Variants in GAL observed in about 807,000 individuals in gnomAD.
GAL encodes galanin peptides.
A neutral mutation model predicts 15.8 loss-of-function variants in GAL; 14 were observed. That is an observed-to-expected ratio of 0.89 (90% CI 0.59 to 1.39). The LOEUF is 1.39. Among genes scored for constraint, GAL ranks in the 40% most tolerant of loss-of-function variants. The probability of loss-of-function intolerance (pLI) is 0.00; values close to 1 mark genes in which losing one functional copy is unlikely to be tolerated. For synonymous variants in GAL, 79 were observed against 73.8 expected (o/e 1.07, Z -0.36); for missense variants, 176 against 170.4 (o/e 1.03, Z -0.18).
At chr11:68,689,010 T>A in intron 5 of GAL, 84 bp downstream of exon 5, 1 of 730,870 alleles carries the variant, frequency 1.4e-6, no homozygotes, top group Non-Finnish European at 2.5e-6. Flanking sequence ...ACCCATAGAA[T>A]CCCCCTGGGA....
At chr11:68,689,656 C>T (rs868092568) in intron 5 of GAL, among the ~76,000 whole-genome samples, 1 of 152,230 alleles carries the variant, frequency 6.6e-6, no homozygotes, top group Non-Finnish European at 1.5e-5. Context: ...CTCAGTCTCC[C>T]AAAGTGCTGG....
Position 68,688,859 on chromosome 11 carries a change from C to A in GAL, c.234C>A (p.Asp78Glu). 1 of 1,535,580 alleles carries A rather than the reference C, an allele frequency of 6.5e-7. No homozygotes were observed. Among genetic ancestry groups the A allele is most frequent in the Non-Finnish European group, 9.0e-7 (1 of 1,108,510 alleles). The change falls in exon 5 of 6, where the codon GAC becomes GAA. Residue 78 changes from aspartate to glutamate, a missense_variant. Physicochemically the swap from Asp to Glu is conservative, Grantham distance 45. Coordinates refer to ENST00000265643, the MANE Select transcript of GAL (RefSeq NM_015973.5). The stretch of plus-strand genomic sequence containing the variant: ...TCTTTTCTCTTCTAGGAAGCTTTGA[C>A]AGGTCCATACCTGAAAACAATATCA... ...PEDDMKPGSF[D>E]RSIPENNIMR...
Position 68,688,018 on chromosome 11 carries a change from C to T in GAL, c.141C>T (p.Ala47=), listed in dbSNP as rs367644530. 15 of 1,607,074 alleles carry T rather than the reference C, an allele frequency of 9.3e-6. No homozygotes were observed. In the African/African-American group the frequency reaches 1.3e-4, roughly 14 times the overall value. ...NSAGYLLGPH[A]VGNHRSFSDK... is the part of the protein sequence containing the mutation. ...TCCTCTCTGATCTGCAAACAGATGCCGTTGGCAACCACAGGTCATTCAGCG... is the reference window on the plus strand; with the variant it reads ...TCCTCTCTGATCTGCAAACAGATGCTGTTGGCAACCACAGGTCATTCAGCG... The change falls in exon 4 of 6, where the codon GCC becomes GCT. Residue 47 remains alanine, a synonymous_variant. Coordinates refer to ENST00000265643, the MANE Select transcript of GAL (RefSeq NM_015973.5).
intron 5 of GAL, 70 bp downstream of exon 5, chr11:68,688,996 G>A: frequency 1.3e-6 from 1 of 782,118 alleles, no homozygotes; most frequent in Non-Finnish European, 2.3e-6. Context: ...CCATCGAGAA[G>A]AGAACCCATA....
Position 68,688,068 on chromosome 11 carries a change from G to T in GAL, c.191G>T (p.Arg64Leu). 6.2e-7 allele frequency: 1 copy of T among 1,612,696 alleles called. No individual in the cohort carries two copies. Among genetic ancestry groups the T allele is most frequent in the Non-Finnish European group, 8.5e-7 (1 of 1,178,922 alleles). Reference protein sequence around the residue: ...FSDKNGLTSKRELRPEDDMKP... With the variant: ...FSDKNGLTSKLELRPEDDMKP... Reference sequence around the variant, plus strand: ...GACAAGAATGGCCTCACCAGCAAGCGGGAGCTGCGGCCCGAAGATGACATG... The same window carrying T: ...GACAAGAATGGCCTCACCAGCAAGCTGGAGCTGCGGCCCGAAGATGACATG... The change falls in exon 4 of 6, where the codon CGG becomes CTG. Residue 64 changes from arginine to leucine, a missense_variant. Transcript: ENST00000265643.
In GAL at chr11:68,687,862, T is replaced by A. The variant is rs1483130254; in HGVS notation, c.137-152T>A. ...TTACCTCAGCTGGGTGGAGAATCGC[T>A]CCCTCTGCTCTGGTGTCTGTCCCTG... On this transcript the variant is annotated intron_variant, in intron 3 of 5. Coordinates refer to ENST00000265643, the MANE Select transcript of GAL (RefSeq NM_015973.5). 6.5e-6 allele frequency: 4 copies of A among 612,684 alleles called. No homozygotes were observed. In the East Asian group the frequency reaches 8.5e-5, roughly 13 times the overall value. 38.0% of individuals were successfully genotyped at this position (612,684 alleles called of 1,614,324 possible).
chr11:68,689,400 T>C (rs1945884986), intron 5 of GAL, among the ~76,000 whole-genome samples: 1 of 150,442 alleles, frequency 6.6e-6, no homozygotes, highest in Non-Finnish European at 1.5e-5. Flanking sequence ...TCTTTCTCTC[T>C]CTCTTTCTTC....
intron 2 of GAL, 94 bp downstream of exon 2, chr11:68,685,098 G>A (rs1945838803): frequency 1.2e-6 from 1 of 820,034 alleles, no homozygotes. Flanking sequence ...CGCCCTGCCC[G>A]CGGGGATGGG....
At chr11:68,685,458 C>G in intron 2 of GAL, 136 bp from the exon 3 acceptor site, 1 of 679,140 alleles carries the variant, frequency 1.5e-6, no homozygotes, top group Admixed American at 2.3e-5. Flanking sequence ...TAGGGGTAAA[C>G]CTGGAATTTC....
intron 4 of GAL, 94 bp downstream of exon 4, chr11:68,688,194 C>T (rs535911512): frequency 2.6e-6 from 2 of 777,660 alleles, no homozygotes; most frequent in Admixed American, 1.9e-5. Context: ...GGGCTGTCCA[C>T]AGCTGCAGCC....
Position 68,684,932 on chromosome 11 carries a change from A to C in GAL, c.9A>C (p.Arg3=), listed in dbSNP as rs539085763. The C allele has an allele frequency of 6.8e-6, 11 of 1,606,558 alleles. No homozygotes were observed. The African/African-American group carries it at 8.0e-5, about 12-fold the overall frequency. MA[R]GSALLLASLL... ...CTGTCCTTCCCTTCCAGATGGCCCG[A>C]GGCAGCGCCCTCCTGCTCGCCTCCC... Residue 3 remains arginine, a synonymous_variant, in exon 2 of 6, where the codon CGA becomes CGC. Transcript: ENST00000265643.
intron 4 of GAL, 26 bp from the exon 5 acceptor site, chr11:68,688,823 G>A (rs768153446): frequency 1.3e-5 from 15 of 1,188,338 alleles, no homozygotes; most frequent in African/African-American, 6.0e-5. Flanking sequence ...TGCACAAGTC[G>A]TGAATGTTGA....
chr11:68,685,100 G>T lies in GAL; in HGVS notation c.81+96G>T. The T allele has an allele frequency of 4.9e-6, 4 of 809,208 alleles. No homozygotes were observed. The South Asian group carries it at 6.1e-5, about 12-fold the overall frequency. 50.1% of individuals were successfully genotyped at this position (809,208 alleles called of 1,614,324 possible). ...AGGAGGCAGCCTCCGCCCTGCCCGC[G>T]GGGATGGGGGTGGAAAGTGGAAAGG... On this transcript the variant is annotated intron_variant, in intron 2 of 5. Transcript: ENST00000265643.
intron 4 of GAL, 82 bp from the exon 5 acceptor site, chr11:68,688,767 G>GC: frequency 1.3e-6 from 1 of 748,294 alleles, no homozygotes; most frequent in Non-Finnish European, 2.5e-6. Flanking sequence ...GCAGCGCCCA[G>GC]CTCCTCTGTA....
In GAL at chr11:68,684,953, C is replaced by T. The variant is rs1945836132; in HGVS notation, c.30C>T (p.Ala10=). Reference sequence around the variant, plus strand: ...CCCGAGGCAGCGCCCTCCTGCTCGCCTCCCTCCTCCTCGCCGCGGCCCTTT... The same window carrying T: ...CCCGAGGCAGCGCCCTCCTGCTCGCTTCCCTCCTCCTCGCCGCGGCCCTTT... MARGSALLL[A]SLLLAAALSA... is the part of the protein sequence containing the mutation. Residue 10 remains alanine, a synonymous_variant, in exon 2 of 6, where the codon GCC becomes GCT. Transcript: ENST00000265643. The T allele has an allele frequency of 3.1e-6, 5 of 1,609,460 alleles. No homozygotes were observed. Among genetic ancestry groups the T allele is most frequent in the African/African-American group, 1.3e-5 (1 of 74,842 alleles).
intron 1 of GAL, 65 bp downstream of exon 1, chr11:68,684,797 A>G: frequency 1.6e-6 from 1 of 609,396 alleles, no homozygotes; most frequent in Non-Finnish European, 2.9e-6. Context: ...TCCTCTGCCC[A>G]GGGACGGTTC....
intron 4 of GAL, among the ~76,000 whole-genome samples, chr11:68,688,582 T>C (rs1945876169): frequency 6.6e-6 from 1 of 152,128 alleles, no homozygotes; most frequent in Admixed American, 6.5e-5. Context: ...TGAGCCAAGA[T>C]CATGACACTG....
Position 68,685,629 on chromosome 11 carries a change from G to T in GAL, c.117G>T (p.Ala39=). Residue 39 remains alanine, a synonymous_variant, in exon 3 of 6, where the codon GCG becomes GCT. Transcript: ENST00000265643. ...KEKRGWTLNS[A]GYLLGPHAVG... ...AACGAGGCTGGACCCTGAACAGCGC[G>T]GGCTACCTGCTGGGCCCACGTAAGT... The T allele has an allele frequency of 6.2e-7, 1 of 1,613,378 alleles. No homozygotes were observed. The highest frequency in any genetic ancestry group is 8.5e-7 in the Non-Finnish European group (1 of 1,179,364).
At chr11:68,690,026 TC>T (rs1945890584) in intron 5 of GAL, among the ~76,000 whole-genome samples, 1 of 149,436 alleles carries the variant, frequency 6.7e-6, no homozygotes, top group South Asian at 2.1e-4. Flanking sequence ...GCTTTGCCTC[TC>T]CAGCAGAGAA....
Sources: gnomAD v4.1 joint callset for allele counts (sites outside exome capture counted in the v4.1 genomes callset) on GRCh38, gnomAD v4.1.1 for gene constraint, MANE v1.5 for transcripts, NCBI Gene and HGNC (gene_info 2026-07-23, HGNC 2026-07-21) for gene names.